The following ZNF254 variants were observed in gnomAD, a reference collection of about 807,000 sequenced individuals.
ZNF254 encodes CTD-2017D11.1.
In ZNF254, 10 loss-of-function variants were observed where a neutral mutation model predicts 12.4. The observed-to-expected ratio is 0.80, with a 90% CI of 0.50 to 1.36. The LOEUF (loss-of-function observed/expected upper bound fraction) is 1.36, where lower values mean the gene tolerates loss of function less well. Ranked by LOEUF, ZNF254 falls within the 40% of genes most tolerant of loss-of-function variation. ZNF254 has a pLI of 0.00. For synonymous variants in ZNF254, 305 were observed against 253.4 expected (o/e 1.20, Z -1.93); for missense variants, 996 against 763.9 (o/e 1.30, Z -3.58).
chr19:24,047,357 TTTC>T (rs897543503), intron 2 of ZNF254, among the ~76,000 whole-genome samples: 7 of 151,968 alleles, frequency 4.6e-5, no homozygotes, highest in African/African-American at 1.7e-4. Context: ...CCTACCTTTC[TTTC>T]TTCTTTTCTT....
At position 24,035,452 on chromosome 19, in the gene ZNF254, C is replaced by T. The variant is rs189904354; in HGVS notation, c.-190+1831C>T. Among the ~76,000 whole-genome samples the T allele has an allele frequency of 4.1e-3, 618 of 152,264 alleles. 3 individuals are homozygous for T. The highest frequency in any genetic ancestry group is 0.014 in the African/African-American group (578 of 41,548). On this transcript the variant is annotated intron_variant, in intron 1 of 4. Transcript: ENST00000613065. ...TGCTGGGATTATAGGCATGAGCCACCACACCCGGCCAAGTCAGCCTGTTTT... is the reference window on the plus strand; with the variant it reads ...TGCTGGGATTATAGGCATGAGCCACTACACCCGGCCAAGTCAGCCTGTTTT...
chr19:24,095,914 T>G (rs1342901344), intron 1 of ZNF254, among the ~76,000 whole-genome samples: 3 of 152,140 alleles, frequency 2.0e-5, no homozygotes, highest in Non-Finnish European at 4.4e-5. Context: ...GATTTTCTCT[T>G]GCTTCTTTCA....
At chr19:24,118,781 A>G (rs959949419) in intron 3 of ZNF254, among the ~76,000 whole-genome samples, 15 of 152,030 alleles carry the variant, frequency 9.9e-5, no homozygotes, top group African/African-American at 2.9e-4. Flanking sequence ...CGCCAAGATT[A>G]TTGTCATGTG....
intron 1 of ZNF254, among the ~76,000 whole-genome samples, chr19:24,087,906 G>GTTTT (rs766484656): frequency 7.9e-6 from 1 of 126,360 alleles, no homozygotes; most frequent in Non-Finnish European, 1.6e-5. Context: ...CTAGGTTGTC[G>GTTTT]TTTTTTTTTT....
intron 1 of ZNF254, among the ~76,000 whole-genome samples, chr19:24,088,620 T>G (rs1040164211): frequency 4.6e-5 from 7 of 152,128 alleles, no homozygotes. Flanking sequence ...TTAGGGTAGA[T>G]TTTGATACCT....
chr19:24,060,126 C>T (rs1971013232), intron 2 of ZNF254, among the ~76,000 whole-genome samples: 1 of 152,202 alleles, frequency 6.6e-6, no homozygotes, highest in South Asian at 2.1e-4. Flanking sequence ...GCCCTGTCTA[C>T]TTAGGCTATT....
At chr19:24,084,453 T>C (rs192020642), upstream of ZNF254, among the ~76,000 whole-genome samples, 3 of 152,036 alleles carry the variant, frequency 2.0e-5, no homozygotes, top group East Asian at 5.8e-4. Context: ...TTGGGTACAG[T>C]GCACACTGCT....
At chr19:24,055,513 G>A (rs200051477) in intron 2 of ZNF254, among the ~76,000 whole-genome samples, 1 of 151,934 alleles carries the variant, frequency 6.6e-6, no homozygotes, top group African/African-American at 2.4e-5. Flanking sequence ...TCCTGACCTC[G>A]TGATCCACCT....
intron 2 of ZNF254, among the ~76,000 whole-genome samples, chr19:24,077,527 T>A (rs1211376146): frequency 2.6e-5 from 4 of 152,198 alleles, no homozygotes; most frequent in African/African-American, 9.7e-5. Context: ...GATGGACAGG[T>A]GTGTACCTGA....
chr19:24,100,112 C>G (rs576646089), intron 1 of ZNF254, among the ~76,000 whole-genome samples: 6 of 152,046 alleles, frequency 3.9e-5, no homozygotes, highest in Non-Finnish European at 7.4e-5. Context: ...GGGGCTAGAC[C>G]AGATTTCTAC....
chr19:24,033,680 C>G (rs1969848887), intron 1 of ZNF254: 3 of 305,976 alleles, frequency 9.8e-6, no homozygotes, highest in Non-Finnish European at 2.0e-5. Context: ...ACCGGCGGGA[C>G]TGCCTTCGTC....
At chr19:24,061,741 C>T (rs1463009511) in intron 2 of ZNF254, among the ~76,000 whole-genome samples, 1 of 152,134 alleles carries the variant, frequency 6.6e-6, no homozygotes, top group Admixed American at 6.6e-5. Flanking sequence ...ATACCTCCTA[C>T]CAGCCAATAG....
intron 2 of ZNF254, among the ~76,000 whole-genome samples, chr19:24,058,725 C>T (rs1970958269): frequency 6.6e-6 from 1 of 152,074 alleles, no homozygotes; most frequent in South Asian, 2.1e-4. Flanking sequence ...GGAGTTTTCT[C>T]TCCTGCTTTG....
chr19:24,094,305 C>T (rs1972552937), intron 1 of ZNF254, among the ~76,000 whole-genome samples: 2 of 152,164 alleles, frequency 1.3e-5, no homozygotes, highest in Non-Finnish European at 2.9e-5. Flanking sequence ...GCTCTTCGCC[C>T]AGGCTGGAGT....
chr19:24,034,991 G>A (rs746374172), intron 1 of ZNF254, among the ~76,000 whole-genome samples: 12 of 151,998 alleles, frequency 7.9e-5, no homozygotes, highest in Non-Finnish European at 1.3e-4. Context: ...CAAGGGGAAA[G>A]CACCAGCTAT....
At chr19:24,090,326 T>C (rs1440301154) in intron 1 of ZNF254, among the ~76,000 whole-genome samples, 2 of 152,152 alleles carry the variant, frequency 1.3e-5, no homozygotes, top group East Asian at 3.9e-4. Flanking sequence ...TTGAGCACTT[T>C]AGTGAGTAGG....
intron 3 of ZNF254, among the ~76,000 whole-genome samples, chr19:24,117,501 G>T (rs527648451): frequency 6.6e-6 from 1 of 152,210 alleles, no homozygotes; most frequent in East Asian, 1.9e-4. Flanking sequence ...TCCGAGCCAG[G>T]TGCAGGATAT....
intron 2 of ZNF254, chr19:24,106,269 T>C: frequency 2.9e-6 from 2 of 690,592 alleles, no homozygotes; most frequent in Non-Finnish European, 4.2e-6. Flanking sequence ...TCCTGCACTT[T>C]AGATTAAGGC....
At chr19:24,061,623 A>G (rs1350468722) in intron 2 of ZNF254, among the ~76,000 whole-genome samples, 1 of 152,166 alleles carries the variant, frequency 6.6e-6, no homozygotes, top group Non-Finnish European at 1.5e-5. Context: ...AAAATTACAT[A>G]TCATTTGCCC....
Sources: gnomAD v4.1 joint callset for allele counts (sites outside exome capture counted in the v4.1 genomes callset) on GRCh38, gnomAD v4.1.1 for gene constraint, MANE v1.5 for transcripts, NCBI Gene and HGNC (gene_info 2026-07-23, HGNC 2026-07-21) for gene names.